Variants in KALRN observed in about 807,000 individuals in gnomAD.
The protein encoded by KALRN is kalirin.
In KALRN, 70 loss-of-function variants were observed where a neutral mutation model predicts 353.7. That is an observed-to-expected ratio of 0.20 (90% CI 0.16 to 0.24). The LOEUF is 0.24. KALRN is among the 10% of genes least tolerant of loss of function. KALRN has a pLI of 1.00. For missense variants in KALRN, 2,791 were observed against 3,756.7 expected (o/e 0.74, Z 6.72); for synonymous variants, 1,391 against 1,434.8 (o/e 0.97, Z 0.69).
At chr3:124,405,374 T>C (rs1031545204) in intron 13 of KALRN, among the ~76,000 whole-genome samples, 29 of 152,146 alleles carry the variant, frequency 1.9e-4, no homozygotes, top group Admixed American at 1.6e-3. Flanking sequence ...TCCTCCTTTC[T>C]GGTAAGGATG....
intron 5 of KALRN, among the ~76,000 whole-genome samples, chr3:124,295,675 G>T (rs753069585): frequency 6.6e-6 from 1 of 152,052 alleles, no homozygotes; most frequent in African/African-American, 2.4e-5. Context: ...TGGAGTGAGC[G>T]CTTTTCATCA....
At chr3:124,435,433 C>A (rs182146640) in intron 17 of KALRN, among the ~76,000 whole-genome samples, 221 of 152,256 alleles carry the variant, frequency 1.5e-3, no homozygotes, top group African/African-American at 4.9e-3. Flanking sequence ...ATGCACAGGG[C>A]TAAGAGGATT....
In KALRN at chr3:124,717,117, T is replaced by G. The variant is rs2063167343; in HGVS notation, c.8277-130T>G. On this transcript the variant is annotated intron_variant, in intron 58 of 59. Transcript: ENST00000682506. ...AGGCTCTAACTAAATATGCATGTGT[T>G]GCACATTTGGTCTTCATGTATAACA... 5.4e-6 allele frequency: 4 copies of G among 739,066 alleles called. No homozygotes were observed. The East Asian group carries it at 1.1e-4, about 20-fold the overall frequency. 45.8% of individuals were successfully genotyped at this position (739,066 alleles called of 1,614,324 possible).
intron 1 of KALRN, chr3:124,162,818 C>G (rs1026604774): frequency 1.3e-5 from 2 of 152,214 alleles, no homozygotes; most frequent in African/African-American, 2.4e-5. Context: ...ATATGCATAT[C>G]TAAAGGAGAC....
Position 124,575,952 on chromosome 3 carries a change from C to T in KALRN, c.5182+12863C>T, listed in dbSNP as rs527399225. Among the ~76,000 whole-genome samples the T allele has an allele frequency of 5.9e-5, 9 of 152,154 alleles. No individual in the cohort carries two copies. In the South Asian group the frequency reaches 1.0e-3, roughly 18 times the overall value. On this transcript the variant is annotated intron_variant, in intron 34 of 59. Transcript: ENST00000682506. ...GAGAGGAGGATGTGGACATCTTTGGCGGACGTTATTCTGTCTACCATTCAC... is the reference window on the plus strand; with the variant it reads ...GAGAGGAGGATGTGGACATCTTTGGTGGACGTTATTCTGTCTACCATTCAC...
intron 11 of KALRN, among the ~76,000 whole-genome samples, chr3:124,390,613 ATTATC>A (rs1164333616): frequency 1.1e-4 from 16 of 152,146 alleles, no homozygotes; most frequent in Non-Finnish European, 2.9e-5. Context: ...TCCAGGAAAA[ATTATC>A]TTTTCAAAAT....
At chr3:124,171,594 G>A (rs1389175230) in intron 1 of KALRN, among the ~76,000 whole-genome samples, 1 of 152,102 alleles carries the variant, frequency 6.6e-6, no homozygotes, top group South Asian at 2.1e-4. Flanking sequence ...GACTGAGGGG[G>A]TAGCAAAATA....
chr3:124,542,740 G>T (rs951972531), intron 33 of KALRN, among the ~76,000 whole-genome samples: 1 of 152,196 alleles, frequency 6.6e-6, no homozygotes, highest in African/African-American at 2.4e-5. Context: ...CCAAGGCTTA[G>T]AGAGGTTAAT....
chr3:124,620,612 A>G (rs2079154090), intron 34 of KALRN, among the ~76,000 whole-genome samples: 1 of 152,222 alleles, frequency 6.6e-6, no homozygotes, highest in Non-Finnish European at 1.5e-5. Context: ...CCACATATCA[A>G]GCTTCAGAAT....
At position 124,693,819 on chromosome 3, in the gene KALRN, T is replaced by C; in HGVS notation, c.7393T>C (p.Phe2465Leu). 6.4e-7 allele frequency: 1 copy of C among 1,570,664 alleles called. No homozygotes were observed. The highest frequency in any genetic ancestry group is 8.7e-7 in the Non-Finnish European group (1 of 1,149,112). The change falls in exon 52 of 60, where the codon TTC becomes CTC. Residue 2465 changes from phenylalanine to leucine, a missense_variant. Transcript: ENST00000682506. ...NTSMEILNPN[F>L]IQEVAPEFLV... ...TGTTTTTCAGATCTTAAATCCAAAT[T>C]TCATCCAAGAAGGTGAGTTAAAAAG... is the stretch of plus-strand genomic sequence containing the variant.
chr3:124,266,119 A>AAAACAAAATAAACAAAC (rs1424501135), intron 4 of KALRN, among the ~76,000 whole-genome samples: 2 of 152,224 alleles, frequency 1.3e-5, no homozygotes, highest in African/African-American at 4.8e-5. Context: ...CTCAAAAAAC[A>AAAACAAAATAAACAAAC]AAACAAAATA....
At chr3:124,678,458 C>T in intron 50 of KALRN, 145 bp downstream of exon 50, 2 of 771,206 alleles carry the variant, frequency 2.6e-6, no homozygotes, top group Middle Eastern at 3.4e-4. Context: ...CAGGATTTTG[C>T]ATGCAAGATC....
At chr3:124,584,665 C>A in intron 34 of KALRN, 1 of 1,415,364 alleles carries the variant, frequency 7.1e-7, no homozygotes, top group Non-Finnish European at 9.2e-7. Context: ...GGCAGTGGCT[C>A]CCAGTAAGTC....
At chr3:124,194,319 G>T (rs945406243) in intron 1 of KALRN, among the ~76,000 whole-genome samples, 4 of 152,188 alleles carry the variant, frequency 2.6e-5, no homozygotes, top group Non-Finnish European at 5.9e-5. Flanking sequence ...GATTCTGGTA[G>T]GTCTGGAGGA....
chr3:124,334,429 G>C lies in KALRN; in HGVS notation c.1581G>C (p.Trp527Cys). Reference sequence around the variant, plus strand: ...ACCAGCGACGGCTGGAGAGCATCTGGCAGCACCGCAAGGTGCGGCTCCACC... The same window carrying C: ...ACCAGCGACGGCTGGAGAGCATCTGCCAGCACCGCAAGGTGCGGCTCCACC... ...LHHQRRLESI[W>C]QHRKVRLHQR... Residue 527 changes from tryptophan (W) to cysteine (C), a missense_variant, in exon 9 of 60, where the codon TGG (tryptophan) becomes TGC (cysteine). Around this residue, in one of 11 missense-constraint regions of KALRN, gnomAD observed 366 missense variants for 489.2 expected, o/e 0.75. Coordinates refer to ENST00000682506, the MANE Select transcript of KALRN (RefSeq NM_001388419.1). This position sits in a 1 kb window ranked among gnomAD's most constrained non-coding sequence, Gnocchi z 4.2. The C allele has an allele frequency of 2.5e-6, 4 of 1,614,142 alleles. No individual in the cohort carries two copies.
chr3:124,344,623 G>A (rs1412479530), intron 9 of KALRN, among the ~76,000 whole-genome samples: 6 of 152,144 alleles, frequency 3.9e-5, no homozygotes, highest in Non-Finnish European at 8.8e-5. Flanking sequence ...TTTGCTTTTT[G>A]ATTTGTTAAA....
At chr3:124,065,031 A>G (rs2042244455) in intron 1 of KALRN, among the ~76,000 whole-genome samples, 2 of 152,152 alleles carry the variant, frequency 1.3e-5, no homozygotes, top group Non-Finnish European at 2.9e-5. Flanking sequence ...TGTCTCTCAC[A>G]TGGTCTTGGC....
intron 1 of KALRN, among the ~76,000 whole-genome samples, chr3:124,175,729 G>A (rs956377724): frequency 3.3e-5 from 5 of 152,228 alleles, no homozygotes; most frequent in African/African-American, 9.6e-5. Context: ...GTGGAAGTGT[G>A]TACAGCCAAG....
chr3:124,422,078 C>T (rs2092807761), intron 14 of KALRN, among the ~76,000 whole-genome samples: 1 of 152,152 alleles, frequency 6.6e-6, no homozygotes, highest in African/African-American at 2.4e-5. Flanking sequence ...GCAAACTCTC[C>T]TTGAGTGGGC....
Sources: allele counts gnomAD v4.1 joint callset (sites outside exome capture counted in the v4.1 genomes callset), GRCh38; gene constraint gnomAD v4.1.1; regional missense constraint gnomAD v4.1.1; non-coding constraint Gnocchi (gnomAD v3.1); transcripts MANE v1.5; gene names NCBI Gene and HGNC (gene_info 2026-07-23, HGNC 2026-07-21).